OSBPL9: variants seen among roughly 807,000 people sequenced by gnomAD.
OSBPL9 encodes oxysterol binding protein like 9.
In OSBPL9, 40 loss-of-function variants were observed where a neutral mutation model predicts 106.6. The observed-to-expected ratio is 0.38, with a 90% CI of 0.29 to 0.49. The LOEUF is 0.49. Among genes scored for constraint, OSBPL9 ranks in the 20% least tolerant of loss-of-function variants. OSBPL9 has a pLI of 0.97. For synonymous variants in OSBPL9, 269 were observed against 295.4 expected (o/e 0.91, Z 0.92); for missense variants, 609 against 887.2 (o/e 0.69, Z 3.98).
intron 11 of OSBPL9, chr1:51,765,505 T>C (rs908137512): frequency 5.7e-6 from 1 of 175,568 alleles, no homozygotes; most frequent in Non-Finnish European, 1.2e-5. Flanking sequence ...TGTAATCATA[T>C]CTGTTGTTGG....
intron 4 of OSBPL9, among the ~76,000 whole-genome samples, chr1:51,734,659 A>AT (rs1359076002): frequency 6.6e-6 from 1 of 152,146 alleles, no homozygotes; most frequent in Non-Finnish European, 1.5e-5. Flanking sequence ...CTTTTTAAAA[A>AT]TTTTTATTAT....
the OSBPL9 span, among the ~76,000 whole-genome samples, chr1:51,564,139 G>A: frequency 4.0e-5 from 6 of 151,266 alleles, no homozygotes; most frequent in Non-Finnish European, 7.4e-5. Flanking sequence ...AGTGCTGTCA[G>A]GCTGGACCTG....
intron 1 of OSBPL9, among the ~76,000 whole-genome samples, chr1:51,622,799 T>C (rs1192425906): frequency 2.0e-5 from 3 of 152,356 alleles, no homozygotes; most frequent in African/African-American, 7.2e-5. Flanking sequence ...TTCTGCCTTA[T>C]TCTGTTCATT....
chr1:51,784,848 G>T, intron 20 of OSBPL9: 2 of 452,840 alleles, frequency 4.4e-6, no homozygotes, highest in Admixed American at 3.9e-5. Context: ...TTCCTAGGTT[G>T]CCTAGCTAAA....
the OSBPL9 span, among the ~76,000 whole-genome samples, chr1:51,560,664 T>C: frequency 2.6e-5 from 4 of 152,176 alleles, no homozygotes; most frequent in Non-Finnish European, 5.9e-5. Context: ...TCTTAATAAG[T>C]CTCAGAGAAG....
the OSBPL9 span, among the ~76,000 whole-genome samples, chr1:51,571,738 A>G: frequency 6.6e-6 from 1 of 152,196 alleles, no homozygotes; most frequent in Non-Finnish European, 1.5e-5. Flanking sequence ...TAGAGTAACC[A>G]GGGAAGACTT....
At chr1:51,648,969 C>T (rs368015190) in intron 1 of OSBPL9, among the ~76,000 whole-genome samples, 38 of 152,234 alleles carry the variant, frequency 2.5e-4, no homozygotes, top group African/African-American at 8.9e-4. Flanking sequence ...TTTAAGAATG[C>T]TATTGCCCTC....
Position 51,787,554 on chromosome 1 carries a change from A to G in OSBPL9, c.2136+66A>G, listed in dbSNP as rs1677989039. ...TAATTTATTTCAGTGAATGTTGAAG[A>G]AGTGATGTGCCAAACACTGTTTATA... On this transcript the variant is annotated intron_variant, in intron 23 of 23. Transcript: ENST00000428468. 1.9e-6 allele frequency: 3 copies of G among 1,608,228 alleles called. No homozygotes were observed. In the Admixed American group the frequency reaches 5.0e-5, roughly 27 times the overall value.
chr1:51,602,329 T>A (rs1645328516), intron 2 of OSBPL9, among the ~76,000 whole-genome samples: 1 of 151,612 alleles, frequency 6.6e-6, no homozygotes, highest in African/African-American at 2.4e-5. Context: ...AATTCTTCCA[T>A]CCTGCCTCTA....
Position 51,772,994 on chromosome 1 carries a change from C to T in OSBPL9, c.1170+271C>T, listed in dbSNP as rs554849087. 5.3e-5 allele frequency among the ~76,000 whole-genome samples: 8 copies of T among 152,234 alleles called. No homozygotes were observed. The South Asian group carries it at 1.5e-3, about 28-fold the overall frequency. On this transcript the variant is annotated intron_variant, in intron 14 of 23. Transcript: ENST00000428468. ...CTTAGGGTCAGAGGATCTGTGTTTT[C>T]GTCCTACCTCTAATATTAGCAAACC...
intron 1 of OSBPL9, among the ~76,000 whole-genome samples, chr1:51,582,126 C>A (rs764670483): frequency 2.0e-5 from 3 of 152,048 alleles, no homozygotes; most frequent in Non-Finnish European, 2.9e-5. Flanking sequence ...TTTATTCAAA[C>A]CATAAGTGTA....
intron 2 of OSBPL9, among the ~76,000 whole-genome samples, chr1:51,603,671 T>C (rs1176771793): frequency 6.6e-6 from 1 of 152,208 alleles, no homozygotes; most frequent in African/African-American, 2.4e-5. Flanking sequence ...TTTTAGGAGA[T>C]ACTAGTAGTT....
chr1:51,705,194 T>A (rs192950877), intron 3 of OSBPL9, among the ~76,000 whole-genome samples: 1 of 151,574 alleles, frequency 6.6e-6, no homozygotes, highest in African/African-American at 2.4e-5. Context: ...CCTGTTTTTT[T>A]AAGAGATGGG....
intron 18 of OSBPL9, 73 bp from the exon 19 acceptor site, chr1:51,784,191 C>T (rs1677064191): frequency 6.6e-7 from 1 of 1,507,682 alleles, no homozygotes; most frequent in East Asian, 2.3e-5. Context: ...CCTGGAGTAA[C>T]CATCAGCTCG....
chr1:51,603,312 A>G (rs1645332644), intron 2 of OSBPL9, among the ~76,000 whole-genome samples: 1 of 152,254 alleles, frequency 6.6e-6, no homozygotes, highest in African/African-American at 2.4e-5. Context: ...AAAATTCACA[A>G]AACAGTATCA....
At chr1:51,744,578 C>T (rs908683982) in intron 4 of OSBPL9, among the ~76,000 whole-genome samples, 1 of 152,070 alleles carries the variant, frequency 6.6e-6, no homozygotes, top group African/African-American at 2.4e-5. Flanking sequence ...TGGGCGAAGG[C>T]AGGGAGGAGA....
intron 2 of OSBPL9, among the ~76,000 whole-genome samples, chr1:51,611,543 C>A (rs1643988019): frequency 6.6e-6 from 1 of 152,146 alleles, no homozygotes; most frequent in Non-Finnish European, 1.5e-5. Context: ...GTAATTTGTA[C>A]CTACACTCTT....
At chr1:51,779,687 CA>C (rs1180744210) in intron 15 of OSBPL9, among the ~76,000 whole-genome samples, 3 of 150,968 alleles carry the variant, frequency 2.0e-5, no homozygotes, top group African/African-American at 7.3e-5. Flanking sequence ...TCAAACAGAT[CA>C]GGAAGAAAAA....
intron 3 of OSBPL9, among the ~76,000 whole-genome samples, chr1:51,682,169 A>C (rs1264867804): frequency 6.6e-6 from 1 of 152,160 alleles, no homozygotes; most frequent in Non-Finnish European, 1.5e-5. Context: ...ACGCCACTGC[A>C]TTCCAGCCTG....
Sources: gnomAD v4.1 joint callset for allele counts (sites outside exome capture counted in the v4.1 genomes callset) on GRCh38, gnomAD v4.1.1 for gene constraint, MANE v1.5 for transcripts, NCBI Gene and HGNC (gene_info 2026-07-23, HGNC 2026-07-21) for gene names.